The following DMTF1 variants were observed in gnomAD, a reference collection of about 807,000 sequenced individuals.
DMTF1 encodes the protein cyclin-D-binding Myb-like transcription factor 1.
A neutral mutation model predicts 91.1 loss-of-function variants in DMTF1; 39 were observed. The observed-to-expected ratio is 0.43, with a 90% CI of 0.33 to 0.56. The LOEUF (loss-of-function observed/expected upper bound fraction) is 0.56. DMTF1 is among the 20% of genes least tolerant of loss of function. The pLI, the probability that DMTF1 is intolerant of heterozygous loss-of-function variation, is 0.05. For synonymous variants in DMTF1, 338 were observed against 309.5 expected (o/e 1.09, Z -0.97); for missense variants, 750 against 914.5 (o/e 0.82, Z 2.32).
chr7:87,161,315 T>A (rs189062338), intron 1 of DMTF1, among the ~76,000 whole-genome samples: 1 of 152,292 alleles, frequency 6.6e-6, no homozygotes, highest in Non-Finnish European at 1.5e-5. Context: ...CTGGTCAACA[T>A]GGTGAAACCC....
chr7:87,157,943 C>G (rs1364391310), intron 1 of DMTF1, among the ~76,000 whole-genome samples: 3 of 151,786 alleles, frequency 2.0e-5, no homozygotes, highest in Non-Finnish European at 4.4e-5. Context: ...TTTTAAAATA[C>G]TAAGTACACA....
At chr7:87,175,862 A>G (rs918891091) in intron 7 of DMTF1, among the ~76,000 whole-genome samples, 6 of 152,204 alleles carry the variant, frequency 3.9e-5, no homozygotes, top group South Asian at 2.1e-4. Flanking sequence ...ACTTTATCCT[A>G]TAAGAGATGA....
At chr7:87,192,122 A>G (rs768280546) in intron 14 of DMTF1, among the ~76,000 whole-genome samples, 9 of 152,060 alleles carry the variant, frequency 5.9e-5, no homozygotes, top group Non-Finnish European at 1.2e-4. Flanking sequence ...ACACACCTAC[A>G]TATTTGAGGT....
At chr7:87,168,079 T>C (rs1794240992) in intron 4 of DMTF1, among the ~76,000 whole-genome samples, 1 of 152,228 alleles carries the variant, frequency 6.6e-6, no homozygotes, top group Admixed American at 6.5e-5. Flanking sequence ...CTGCTTAATG[T>C]TGGGTCATAG....
chr7:87,158,092 A>G (rs1791253572), intron 1 of DMTF1, among the ~76,000 whole-genome samples: 1 of 151,900 alleles, frequency 6.6e-6, no homozygotes, highest in Admixed American at 6.5e-5. Context: ...TTTGTGGCCC[A>G]GAAGTATATA....
chr7:87,183,623 AAAGC>A (rs760511873), intron 10 of DMTF1, among the ~76,000 whole-genome samples: 3 of 152,222 alleles, frequency 2.0e-5, no homozygotes, highest in Non-Finnish European at 4.4e-5. Flanking sequence ...ATGGAATCCC[AAAGC>A]AAGCACAGTC....
intron 7 of DMTF1, among the ~76,000 whole-genome samples, chr7:87,177,989 A>G (rs1441846715): frequency 6.6e-6 from 1 of 152,154 alleles, no homozygotes; most frequent in South Asian, 2.1e-4. Context: ...TTTGTTATAA[A>G]TTTAGAATCA....
intron 7 of DMTF1, among the ~76,000 whole-genome samples, chr7:87,177,631 T>G (rs1796518970): frequency 6.6e-6 from 1 of 152,176 alleles, no homozygotes; most frequent in Non-Finnish European, 1.5e-5. Context: ...TGTTTGTTTG[T>G]TTTGCATGCA....
rs1793467085 is a variant in DMTF1 at position 87,164,957 on chromosome 7, G to A, written c.16G>A (p.Glu6Lys). The A allele has an allele frequency of 6.2e-7, 1 of 1,608,666 alleles. No homozygotes were observed. The highest frequency in any genetic ancestry group is 8.5e-7 in the Non-Finnish European group (1 of 1,177,320). The part of the protein sequence containing the change: MSTVE[E>K]DSDTVTVETV... ...AGATTTGAGTATGAGCACAGTGGAA[G>A]AGGATTCTGACACAGTAACAGTAGA... The change falls in exon 3 of 18, where the codon GAG (glutamate) becomes AAG (lysine). Residue 6 changes from glutamate to lysine, a missense_variant. Physicochemically the swap from Glu to Lys is moderately conservative, Grantham distance 56. Around this residue, in one of 3 missense-constraint regions of DMTF1, gnomAD observed 150 missense variants for 150.4 expected, o/e 1.00. Coordinates refer to ENST00000331242, the MANE Select transcript of DMTF1 (RefSeq NM_001142327.2).
intron 5 of DMTF1, 112 bp downstream of exon 5, chr7:87,171,201 C>G: frequency 1.5e-6 from 1 of 668,488 alleles, no homozygotes; most frequent in Non-Finnish European, 2.5e-6. Context: ...CTGGCACATG[C>G]CACTGTGCCC....
chr7:87,172,434 T>C (rs1368841775), intron 5 of DMTF1, among the ~76,000 whole-genome samples: 3 of 152,204 alleles, frequency 2.0e-5, no homozygotes, highest in African/African-American at 7.2e-5. Flanking sequence ...TAGGCAACAA[T>C]AGAAATGTGG....
At chr7:87,184,859 G>A (rs1798073645) in intron 11 of DMTF1, 2 of 623,786 alleles carry the variant, frequency 3.2e-6, no homozygotes, top group African/African-American at 3.6e-5. Context: ...TTGAAGGCGT[G>A]GAGACTGAAG....
Position 87,191,010 on chromosome 7 carries a change from A to C in DMTF1, c.1477A>C (p.Thr493Pro). 1 of 1,604,786 alleles carries C rather than the reference A, an allele frequency of 6.2e-7. No homozygotes were observed. The highest frequency in any genetic ancestry group is 1.7e-5 in the Admixed American group (1 of 59,016). Residue 493 changes from threonine (T) to proline (P), a missense_variant, in exon 14 of 18, where the codon ACA becomes CCA. Transcript: ENST00000331242. ...TITLNSGTLQ[T>P]FEILPSFHLQ... ...AACACTAAACAGTGGAACACTACAG[A>C]CATTTGAGATTCTTCCCGTGAGTAA...
chr7:87,178,332 A>C (rs1351619238), intron 7 of DMTF1, among the ~76,000 whole-genome samples: 1 of 151,848 alleles, frequency 6.6e-6, no homozygotes, highest in South Asian at 2.1e-4. Context: ...AAAGTAACAT[A>C]TTTTTTTCAT....
chr7:87,166,969 G>T (rs1049223358), intron 4 of DMTF1, among the ~76,000 whole-genome samples: 4 of 151,998 alleles, frequency 2.6e-5, no homozygotes, highest in African/African-American at 9.7e-5. Context: ...TAATAAAATT[G>T]TTTGTCACAT....
intron 4 of DMTF1, among the ~76,000 whole-genome samples, chr7:87,168,496 T>A (rs1301687372): frequency 6.6e-6 from 1 of 152,204 alleles, no homozygotes; most frequent in Non-Finnish European, 1.5e-5. Flanking sequence ...CTGGGCCCCA[T>A]TGATCCTGTT....
chr7:87,182,937 C>T (rs752490937), intron 10 of DMTF1, among the ~76,000 whole-genome samples: 10 of 152,168 alleles, frequency 6.6e-5, no homozygotes, highest in Non-Finnish European at 1.3e-4. Flanking sequence ...CGACCAACAA[C>T]GTATTTAGGC....
At chr7:87,182,437 A>T (rs1337342564) in intron 10 of DMTF1, 100 bp downstream of exon 10, 1 of 1,091,938 alleles carries the variant, frequency 9.2e-7, no homozygotes, top group Admixed American at 2.0e-5. Context: ...GATTTAGATC[A>T]TTCACCTTAG....
Position 87,174,634 on chromosome 7 carries a change from G to A in DMTF1, c.484G>A (p.Asp162Asn). 6 of 1,610,546 alleles carry A rather than the reference G, an allele frequency of 3.7e-6. No homozygotes were observed. Among genetic ancestry groups the A allele is most frequent in the Non-Finnish European group, 4.2e-6 (5 of 1,177,754 alleles). Reference sequence around the variant, plus strand: ...GGGGATGTGGTCCAAGGAAGAAATTGATATTTTGATGAACAATATTGAACG... The same window carrying A: ...GGGGATGTGGTCCAAGGAAGAAATTAATATTTTGATGAACAATATTGAACG... ...KQGMWSKEEI[D>N]ILMNNIERYL... The change falls in exon 7 of 18, where the codon GAT becomes AAT. Residue 162 changes from aspartate (D) to asparagine (N), a missense_variant. Asp to Asn is a conservative substitution (Grantham distance 23). Coordinates refer to ENST00000331242, the MANE Select transcript of DMTF1 (RefSeq NM_001142327.2).
Sources: gnomAD v4.1 joint callset for allele counts (sites outside exome capture counted in the v4.1 genomes callset) on GRCh38, gnomAD v4.1.1 for gene constraint, gnomAD v4.1.1 regional missense constraint, MANE v1.5 for transcripts, NCBI Gene and HGNC (gene_info 2026-07-23, HGNC 2026-07-21) for gene names.